GNG7: variants seen among roughly 807,000 people sequenced by gnomAD.
The protein encoded by GNG7 is G protein subunit gamma 7.
Under a neutral mutation model 4.0 loss-of-function variants are expected in GNG7, and 1 was observed. That is an observed-to-expected ratio of 0.25 (90% confidence interval 0.09 to 1.18). The LOEUF is 1.18. Among genes scored for constraint, GNG7 ranks in the 50% most tolerant of loss-of-function variants. The probability of loss-of-function intolerance (pLI) is 0.50; values close to 1 mark genes in which losing one functional copy is unlikely to be tolerated. For missense variants in GNG7, 86 were observed against 91.9 expected, an observed-to-expected ratio of 0.94 and a Z score of 0.26; for synonymous variants, 34 against 36.9, an observed-to-expected ratio of 0.92 and a Z score of 0.29.
At position 2,511,484 on chromosome 19, in the gene GNG7, T is replaced by C. The variant is rs1278224991; in HGVS notation, c.*3538A>G. On this transcript the variant is annotated 3_prime_UTR_variant, in exon 5 of 5. Coordinates refer to ENST00000382159, the MANE Select transcript of GNG7 (RefSeq NM_052847.3). The surrounding 1 kb of genome is among the most constrained non-coding windows in gnomAD (Gnocchi z 6.3). ...GGAGGAGGCGCGGCTGGCCGGCATA[T>C]GGCTTCTGTGCAGAGGGCCTGGCCT... The C allele has an allele frequency of 6.6e-6, 1 of 152,354 alleles. No individual in the cohort carries two copies. Among genetic ancestry groups the C allele is most frequent in the East Asian group, 1.9e-4 (1 of 5,180 alleles). The allele number at this position is 152,354 out of a possible 1,614,324, so 9.4% of individuals were successfully genotyped here.
At chr19:2,607,799 G>C (rs1981437646) in intron 2 of GNG7, among the ~76,000 whole-genome samples, 2 of 152,058 alleles carry the variant, frequency 1.3e-5, no homozygotes, top group South Asian at 4.1e-4. Flanking sequence ...TGTCATCGTG[G>C]GCACTGGGAA....
chr19:2,685,808 AC>A (rs1226168844), intron 1 of GNG7, among the ~76,000 whole-genome samples: 2 of 151,848 alleles, frequency 1.3e-5, no homozygotes, highest in Non-Finnish European at 2.9e-5. Context: ...TGGGCAGGGG[AC>A]GGCCTTGAAC....
intron 1 of GNG7, among the ~76,000 whole-genome samples, chr19:2,698,433 G>A (rs1913323851): frequency 6.6e-6 from 1 of 152,014 alleles, no homozygotes; most frequent in East Asian, 1.9e-4. Flanking sequence ...GTGCAGTGGT[G>A]TACGCCCATA....
At chr19:2,688,967 A>G (rs182104178) in intron 1 of GNG7, among the ~76,000 whole-genome samples, 8 of 152,042 alleles carry the variant, frequency 5.3e-5, no homozygotes, top group Admixed American at 1.3e-4. Flanking sequence ...CAGGAGGCTG[A>G]GGTGGGAGGA....
At chr19:2,545,238 GGAGGCC>G (rs1979086907) in intron 3 of GNG7, among the ~76,000 whole-genome samples, 1 of 152,122 alleles carries the variant, frequency 6.6e-6, no homozygotes. Context: ...TGGAGTGGGT[GGAGGCC>G]AGGGATACTG....
At chr19:2,665,361 TGGGG>T (rs145443709) in intron 1 of GNG7, among the ~76,000 whole-genome samples, 38,266 of 132,838 alleles carry the variant, frequency 0.29, 5,973 homozygotes, top group East Asian at 0.6. Context: ...CAGTGTCCCC[TGGGG>T]GGGGGGGGGC....
chr19:2,613,353 G>A (rs904745538), intron 2 of GNG7, among the ~76,000 whole-genome samples: 6 of 152,318 alleles, frequency 3.9e-5, no homozygotes, highest in African/African-American at 1.4e-4. Flanking sequence ...CTCATTGGAA[G>A]AGCAGGTGTC....
intron 2 of GNG7, among the ~76,000 whole-genome samples, chr19:2,591,224 G>A (rs1235007946): frequency 6.6e-6 from 1 of 152,072 alleles, no homozygotes; most frequent in African/African-American, 2.4e-5. Flanking sequence ...TGTGTCAACC[G>A]ATGATGTGGA....
At chr19:2,657,359 AAAATATATATATATATAT>A (rs1337964913) in intron 1 of GNG7, among the ~76,000 whole-genome samples, 1 of 13,478 alleles carries the variant, frequency 7.4e-5, no homozygotes, top group African/African-American at 2.0e-4. Flanking sequence ...AAAAAAAAAA[AAAATATATATATATATAT>A]ATATATATAT....
chr19:2,684,839 A>AT (rs1983831830), intron 1 of GNG7, among the ~76,000 whole-genome samples: 1 of 142,314 alleles, frequency 7.0e-6, no homozygotes, highest in African/African-American at 2.7e-5. Context: ...AAATACAAAA[A>AT]TTGGACGGGC....
intron 1 of GNG7, among the ~76,000 whole-genome samples, chr19:2,646,684 C>CAAA (rs71964998): frequency 2.8e-4 from 41 of 143,920 alleles, no homozygotes; most frequent in African/African-American, 3.8e-4. Context: ...GACTCTGCTT[C>CAAA]AAAAAAAAAA....
chr19:2,653,173 G>A lies in GNG7; in HGVS notation c.-134-6893C>T, dbSNP rs1982875111. On this transcript the variant is annotated intron_variant, in intron 1 of 4. Transcript: ENST00000382159. The surrounding 1 kb of genome is among the most constrained non-coding windows in gnomAD (Gnocchi z 4.8). Reference sequence around the variant, plus strand: ...GCCTCACCCACAGTGTCGAAGGCATGCATCTTCTAGGGTTATTAAGGTGCT... The same window carrying A: ...GCCTCACCCACAGTGTCGAAGGCATACATCTTCTAGGGTTATTAAGGTGCT... 6.6e-6 allele frequency among the ~76,000 whole-genome samples: 1 copy of A among 152,136 alleles called. No homozygotes were observed. Among genetic ancestry groups the A allele is most frequent in the Non-Finnish European group, 1.5e-5 (1 of 68,026 alleles).
intron 3 of GNG7, among the ~76,000 whole-genome samples, chr19:2,531,523 T>A (rs1978584694): frequency 1.3e-5 from 2 of 151,738 alleles, no homozygotes; most frequent in South Asian, 4.2e-4. Context: ...TACATGCAAA[T>A]CCGCAATACA....
At chr19:2,570,716 G>A (rs985322132) in intron 2 of GNG7, among the ~76,000 whole-genome samples, 2 of 152,328 alleles carry the variant, frequency 1.3e-5, no homozygotes, top group Non-Finnish European at 2.9e-5. Flanking sequence ...GCGCTCCTCG[G>A]ACAGTGGAGA....
intron 1 of GNG7, among the ~76,000 whole-genome samples, chr19:2,692,639 A>T (rs997582580): frequency 1.3e-5 from 2 of 150,112 alleles, no homozygotes; most frequent in Non-Finnish European, 3.0e-5. Flanking sequence ...CATCTCGAAA[A>T]AAAAAAAAAA....
At chr19:2,649,091 G>A (rs1438501363) in intron 1 of GNG7, among the ~76,000 whole-genome samples, 3 of 151,680 alleles carry the variant, frequency 2.0e-5, no homozygotes, top group East Asian at 3.9e-4. Flanking sequence ...TGCTTAATTT[G>A]TGGGCTAATT....
chr19:2,521,201 G>A (rs1311417007), intron 3 of GNG7, among the ~76,000 whole-genome samples: 1 of 151,926 alleles, frequency 6.6e-6, no homozygotes, highest in East Asian at 1.9e-4. Context: ...GGGAGGTGGA[G>A]CTTGCAGTGA....
chr19:2,595,670 G>A lies in GNG7; in HGVS notation c.-77-40482C>T, dbSNP rs1002255509. Among the ~76,000 whole-genome samples, 116 of 151,222 alleles carry A rather than the reference G, an allele frequency of 7.7e-4. 1 individual carries two copies. Among genetic ancestry groups the A allele is most frequent in the African/African-American group, 2.7e-3 (112 of 41,254 alleles). On this transcript the variant is annotated intron_variant, in intron 2 of 4. Transcript: ENST00000382159. The stretch of plus-strand genomic sequence containing the variant: ...GAATGGCGTGAACCCGGGAGGCGGA[G>A]CTTGCAGCGAGCCAAGATCGCACCA...
At chr19:2,547,117 C>T (rs7250015) in intron 3 of GNG7, among the ~76,000 whole-genome samples, 6,211 of 151,016 alleles carry the variant, frequency 0.041, 448 homozygotes, top group African/African-American at 0.14. Context: ...AAAGCCCCAC[C>T]GATGTCATCC....
Sources: gnomAD v4.1 joint callset for allele counts (sites outside exome capture counted in the v4.1 genomes callset) on GRCh38, gnomAD v4.1.1 for gene constraint, Gnocchi (gnomAD v3.1) non-coding constraint, MANE v1.5 for transcripts, NCBI Gene and HGNC (gene_info 2026-07-23, HGNC 2026-07-21) for gene names.